HDX: variants seen among roughly 807,000 people sequenced by gnomAD.
HDX encodes the protein chromosome X open reading frame 43.
A neutral mutation model predicts 45.2 loss-of-function variants in HDX; 19 were observed. The observed-to-expected ratio is 0.42, with a 90% CI of 0.29 to 0.62. The LOEUF (loss-of-function observed/expected upper bound fraction) is 0.62, where lower values mean the gene tolerates loss of function less well. Ranked by LOEUF, HDX falls within the 20% of genes least tolerant of loss-of-function variation. HDX has a pLI of 0.20. For missense variants in HDX, 532 were observed against 493.9 expected (o/e 1.08, Z -0.73); for synonymous variants, 188 against 172.8 (o/e 1.09, Z -0.69).
intron 2 of HDX, among the ~76,000 whole-genome samples, chrX:84,486,930 C>T (rs1307711560): frequency 9.0e-6 from 1 of 111,388 alleles, no homozygotes; most frequent in Admixed American, 9.5e-5. Context: ...TTTTTTTCTA[C>T]ACCAATCTCT....
chrX:84,426,812 A>G lies in HDX; in HGVS notation c.1305+13720T>C, dbSNP rs370836971. On this transcript the variant is annotated intron_variant, in intron 5 of 10. Transcript: ENST00000373177. Reference sequence around the variant, plus strand: ...AGATTTCAGTTGCTCTCCCCAAAATAACAAATAGTAACTATGTGAGGAGAT... The same window carrying G: ...AGATTTCAGTTGCTCTCCCCAAAATGACAAATAGTAACTATGTGAGGAGAT... Among the ~76,000 whole-genome samples the G allele has an allele frequency of 1.9e-4, 21 of 111,239 alleles. No homozygotes were observed. In the East Asian group the frequency reaches 4.8e-3, roughly 25 times the overall value.
intron 4 of HDX, among the ~76,000 whole-genome samples, chrX:84,459,410 G>T (rs1198010592): frequency 1.8e-5 from 2 of 108,728 alleles, no homozygotes; most frequent in Non-Finnish European, 3.8e-5. Flanking sequence ...TCGCTGCACT[G>T]CAGCCTGGGC....
chrX:84,469,592 T>A lies in HDX; in HGVS notation c.148-17A>T, dbSNP rs762407873. 2.7e-6 allele frequency: 3 copies of A among 1,122,361 alleles called. No homozygotes were observed. The highest frequency in any genetic ancestry group is 3.5e-6 in the Non-Finnish European group (3 of 851,923). The allele number at this position is 1,122,361 out of a possible 1,213,427, so 92.5% of individuals were successfully genotyped here. Reference sequence around the variant, plus strand: ...AACCCACGTCTGGAAGGATAAAACATGGTATTATGAAAAAAAAATTAAAAA... The same window carrying A: ...AACCCACGTCTGGAAGGATAAAACAAGGTATTATGAAAAAAAAATTAAAAA... On this transcript the variant is annotated splice_polypyrimidine_tract_variant and intron_variant, in intron 3 of 10. Coordinates refer to ENST00000373177, the MANE Select transcript of HDX (RefSeq NM_001177479.2).
chrX:84,402,170 C>T, intron 5 of HDX, among the ~76,000 whole-genome samples: 1 of 111,244 alleles, frequency 9.0e-6, no homozygotes, highest in Admixed American at 9.6e-5. Flanking sequence ...TGTAACAAAC[C>T]TGCATGTTCT....
At chrX:84,367,324 T>C (rs1415428244) in intron 5 of HDX, among the ~76,000 whole-genome samples, 1 of 112,206 alleles carries the variant, frequency 8.9e-6, no homozygotes, top group African/African-American at 3.2e-5. Flanking sequence ...CCAGTTAGAA[T>C]GGCAATCATT....
intron 5 of HDX, among the ~76,000 whole-genome samples, chrX:84,377,141 G>C (rs1442927610): frequency 8.9e-6 from 1 of 112,204 alleles, no homozygotes; most frequent in Non-Finnish European, 1.9e-5. Context: ...ACATTGTCAA[G>C]ACCATGAAGG....
Position 84,344,317 on chromosome X carries a change from A to C in HDX, c.1593T>G (p.Pro531=), listed in dbSNP as rs369116935. The C allele has an allele frequency of 2.7e-5, 32 of 1,206,645 alleles. No individual in the cohort carries two copies. The highest frequency in any genetic ancestry group is 3.4e-5 in the Non-Finnish European group (30 of 892,616). ...TTCTGTCATTATCCTCTCCTACTTCAGGCCCAGCTTCCTCTCCTGGTGTGA... is the reference window on the plus strand; with the variant it reads ...TTCTGTCATTATCCTCTCCTACTTCCGGCCCAGCTTCCTCTCCTGGTGTGA... The part of the protein sequence containing the change: ...SALTPGEEAG[P]EVGEDNDRND... The change falls in exon 7 of 11, where the codon CCT becomes CCG. Residue 531 remains proline (P), a synonymous_variant. Transcript: ENST00000373177.
At chrX:84,346,824 T>G (rs1484586497) in intron 6 of HDX, among the ~76,000 whole-genome samples, 3 of 111,569 alleles carry the variant, frequency 2.7e-5, no homozygotes, top group African/African-American at 9.7e-5. Context: ...GGCTTCAGGA[T>G]TAGTGAAGAA....
In HDX at chrX:84,358,094, G is replaced by A. The variant is rs533737025; in HGVS notation, c.1452+3372C>T. On this transcript the variant is annotated intron_variant, in intron 6 of 10. Transcript: ENST00000373177. Reference sequence around the variant, plus strand: ...TGCTAGCTGTAAATTGCATATACATGGACTTATACATGGAATTGAAATATC... The same window carrying A: ...TGCTAGCTGTAAATTGCATATACATAGACTTATACATGGAATTGAAATATC... Among the ~76,000 whole-genome samples, 5 of 111,836 alleles carry A rather than the reference G, an allele frequency of 4.5e-5. No homozygotes were observed. In the South Asian group the frequency reaches 1.1e-3, roughly 25 times the overall value.
chrX:84,428,243 C>G (rs1185273586), intron 5 of HDX, among the ~76,000 whole-genome samples: 2 of 110,303 alleles, frequency 1.8e-5, no homozygotes, highest in African/African-American at 6.5e-5. Context: ...TATCATAACC[C>G]TGTCTTTCTA....
Position 84,326,196 on chromosome X carries a change from A to T in HDX, c.1929T>A (p.Asp643Glu). 8.3e-7 allele frequency: 1 copy of T among 1,207,390 alleles called. No individual in the cohort carries two copies. Among genetic ancestry groups the T allele is most frequent in the African/African-American group, 1.7e-5 (1 of 57,732 alleles). Residue 643 changes from aspartate to glutamate, a missense_variant, in exon 10 of 11, where the codon GAT (aspartate) becomes GAA (glutamate). Transcript: ENST00000373177. ...GACCTACCTGCTGTTGTTCCTTATC[A>T]TCAGCTTTCATTGCTAATATCAAGC... ...VRSLILAMKA[D>E]DKEQQQALLS...
intron 5 of HDX, among the ~76,000 whole-genome samples, chrX:84,422,385 G>T (rs1264499806): frequency 9.0e-6 from 1 of 110,872 alleles, no homozygotes. Flanking sequence ...AGTATTAAGA[G>T]GGAATTTTAT....
chrX:84,472,521 C>A (rs180900989), intron 3 of HDX, among the ~76,000 whole-genome samples: 1 of 110,957 alleles, frequency 9.0e-6, no homozygotes, highest in Admixed American at 9.6e-5. Flanking sequence ...TTGGCAGGCA[C>A]CCCAACAGTA....
intron 4 of HDX, among the ~76,000 whole-genome samples, chrX:84,466,171 A>AT (rs1217946521): frequency 8.9e-6 from 1 of 112,129 alleles, no homozygotes; most frequent in African/African-American, 3.2e-5. Flanking sequence ...TCTGTGCAAA[A>AT]TTTTACTTGA....
chrX:84,392,259 T>C (rs1386756286), intron 5 of HDX, among the ~76,000 whole-genome samples: 1 of 111,687 alleles, frequency 9.0e-6, no homozygotes, highest in African/African-American at 3.2e-5. Flanking sequence ...TCCTCTTTTA[T>C]GTCCCATTGT....
In HDX at chrX:84,362,419, G is replaced by A. The variant is rs189184653; in HGVS notation, c.1306-807C>T. Among the ~76,000 whole-genome samples the A allele has an allele frequency of 2.8e-3, 313 of 111,168 alleles. 1 individual carries two copies. The highest frequency in any genetic ancestry group is 1.0e-2 in the African/African-American group (306 of 30,645). On this transcript the variant is annotated intron_variant, in intron 5 of 10. Coordinates refer to ENST00000373177, the MANE Select transcript of HDX (RefSeq NM_001177479.2). ...AGAGTCCATGGCAGAGCTATAAATA[G>A]AAATATCTGAGTTTTTCTAGTTGTT...
intron 6 of HDX, among the ~76,000 whole-genome samples, chrX:84,357,844 A>G (rs763674593): frequency 8.0e-5 from 9 of 112,376 alleles, no homozygotes; most frequent in Admixed American, 4.7e-4. Context: ...ATCTTTAGCC[A>G]ATGGGATATA....
intron 1 of HDX, among the ~76,000 whole-genome samples, chrX:84,491,853 T>C (rs370071837): frequency 8.9e-6 from 1 of 111,751 alleles, no homozygotes; most frequent in East Asian, 2.8e-4. Context: ...AACATAACTA[T>C]TCCTGGTCCT....
At chrX:84,460,126 T>C (rs1348442011) in intron 4 of HDX, among the ~76,000 whole-genome samples, 1 of 111,729 alleles carries the variant, frequency 9.0e-6, no homozygotes, top group Non-Finnish European at 1.9e-5. Context: ...CTAATACCAT[T>C]GCTACTCAAA....
Sources: allele counts gnomAD v4.1 joint callset (sites outside exome capture counted in the v4.1 genomes callset), GRCh38; gene constraint gnomAD v4.1.1; transcripts MANE v1.5; gene names NCBI Gene and HGNC (gene_info 2026-07-23, HGNC 2026-07-21).